RAB2A: variants seen among roughly 807,000 people sequenced by gnomAD.
RAB2A encodes ras-related protein Rab-2A.
In RAB2A, 7 loss-of-function variants were observed where a neutral mutation model predicts 32.5. That is an observed-to-expected ratio of 0.22 (90% CI 0.12 to 0.40). The LOEUF is 0.40. Ranked by LOEUF, RAB2A falls within the 10% of genes least tolerant of loss-of-function variation. The pLI, the probability that RAB2A is intolerant of heterozygous loss-of-function variation, is 1.00. For missense variants in RAB2A, 108 were observed against 260.7 expected, an observed-to-expected ratio of 0.41 and a Z score of 4.03; for synonymous variants, 79 against 85.2, an observed-to-expected ratio of 0.93 and a Z score of 0.40.
intron 6 of RAB2A, among the ~76,000 whole-genome samples, chr8:60,594,815 A>C (rs903510111): frequency 6.6e-6 from 1 of 152,160 alleles, no homozygotes; most frequent in Admixed American, 6.5e-5. Flanking sequence ...CATGAACTCA[A>C]CTTTTTTATG....
intron 6 of RAB2A, among the ~76,000 whole-genome samples, chr8:60,615,697 G>A (rs1804437683): frequency 6.6e-6 from 1 of 152,016 alleles, no homozygotes; most frequent in African/African-American, 2.4e-5. Flanking sequence ...CTAGTATTTG[G>A]TTAATGTTCA....
chr8:60,537,496 TA>T (rs1314197127), intron 1 of RAB2A, among the ~76,000 whole-genome samples: 1 of 152,166 alleles, frequency 6.6e-6, no homozygotes, highest in African/African-American at 2.4e-5. Context: ...GTGCAGGGAT[TA>T]CAGGCGTGAG....
chr8:60,551,449 T>G (rs1486930075), intron 1 of RAB2A, among the ~76,000 whole-genome samples: 1 of 152,226 alleles, frequency 6.6e-6, no homozygotes, highest in Admixed American at 6.5e-5. Flanking sequence ...TTTTTGAAAC[T>G]TTACTATGTG....
intron 6 of RAB2A, among the ~76,000 whole-genome samples, chr8:60,605,471 A>AC (rs1485704928): frequency 6.6e-6 from 1 of 152,074 alleles, no homozygotes; most frequent in Non-Finnish European, 1.5e-5. Flanking sequence ...TGGTAGATAC[A>AC]CCAACAGTTT....
At chr8:60,566,696 T>C (rs1808119264) in intron 2 of RAB2A, among the ~76,000 whole-genome samples, 1 of 152,192 alleles carries the variant, frequency 6.6e-6, no homozygotes, top group South Asian at 2.1e-4. Context: ...GCTTCTAGCA[T>C]ACCCGTTAAC....
At chr8:60,570,104 A>C (rs776654012) in intron 2 of RAB2A, 22 of 450,108 alleles carry the variant, frequency 4.9e-5, no homozygotes, top group African/African-American at 4.4e-4. Flanking sequence ...TCAATTCCAG[A>C]GAGGGAGCAT....
chr8:60,584,045 A>G, intron 3 of RAB2A, 163 bp from the exon 4 acceptor site: 1 of 582,356 alleles, frequency 1.7e-6, no homozygotes, highest in Non-Finnish European at 3.1e-6. Flanking sequence ...ATCTTGAGCA[A>G]TAGCGGTGTT....
intron 3 of RAB2A, among the ~76,000 whole-genome samples, chr8:60,573,864 C>T (rs1808230661): frequency 6.6e-6 from 1 of 152,232 alleles, no homozygotes; most frequent in South Asian, 2.1e-4. Flanking sequence ...CTCGCTGCAG[C>T]CTCGAGCTCC....
At position 60,607,851 on chromosome 8, in the gene RAB2A, C is replaced by T. The variant is rs1397514076; in HGVS notation, c.475-10729C>T. On this transcript the variant is annotated intron_variant, in intron 6 of 7. Coordinates refer to ENST00000262646, the MANE Select transcript of RAB2A (RefSeq NM_002865.3). ...CCTCAGAGATGTTATTGCTTCAAAC[C>T]ATCTCATTATATTCACCCTTTCCTT... is the stretch of plus-strand genomic sequence containing the variant. Among the ~76,000 whole-genome samples, 3 of 152,132 alleles carry T rather than the reference C, an allele frequency of 2.0e-5. No homozygotes were observed. The East Asian group carries it at 5.8e-4, about 29-fold the overall frequency.
intron 5 of RAB2A, among the ~76,000 whole-genome samples, chr8:60,587,317 A>C (rs1220425016): frequency 6.6e-6 from 1 of 152,218 alleles, no homozygotes; most frequent in Non-Finnish European, 1.5e-5. Context: ...ATATGTAAAA[A>C]TATGAACCTC....
chr8:60,524,726 C>T (rs1478001085), intron 1 of RAB2A, among the ~76,000 whole-genome samples: 1 of 152,150 alleles, frequency 6.6e-6, no homozygotes, highest in Non-Finnish European at 1.5e-5. Flanking sequence ...CCGGGGAGTC[C>T]CAGACATCAG....
chr8:60,613,284 C>T (rs1209630466), intron 6 of RAB2A, among the ~76,000 whole-genome samples: 1 of 152,100 alleles, frequency 6.6e-6, no homozygotes, highest in East Asian at 1.9e-4. Flanking sequence ...CCTGTTGTTC[C>T]CCATGTGTCT....
intron 6 of RAB2A, among the ~76,000 whole-genome samples, chr8:60,601,851 G>A (rs1586108930): frequency 6.6e-6 from 1 of 152,200 alleles, no homozygotes; most frequent in East Asian, 1.9e-4. Flanking sequence ...ATTTTGGTAG[G>A]CTCACAATGA....
intron 1 of RAB2A, among the ~76,000 whole-genome samples, chr8:60,535,978 GCAAATGTC>G (rs901007116): frequency 1.6e-4 from 25 of 152,164 alleles, no homozygotes. Context: ...GCCAGAAACA[GCAAATGTC>G]CACCTACTCC....
chr8:60,553,601 T>C (rs192545352), intron 1 of RAB2A, among the ~76,000 whole-genome samples: 4 of 152,366 alleles, frequency 2.6e-5, no homozygotes, highest in African/African-American at 9.6e-5. Flanking sequence ...TGTATCTATA[T>C]ATTTAATTTG....
Position 60,517,225 on chromosome 8 carries a change from C to A in RAB2A, c.18C>A (p.Leu6=). ...CCGCGGCCATGGCGTACGCCTATCT[C>A]TTCAAGTACATCATAATCGGCGACA... MAYAY[L]FKYIIIGDTG... is the part of the protein sequence containing the mutation. Residue 6 remains leucine (L), a synonymous_variant, in exon 1 of 8, where the codon CTC becomes CTA. Coordinates refer to ENST00000262646, the MANE Select transcript of RAB2A (RefSeq NM_002865.3). The A allele has an allele frequency of 6.7e-7, 1 of 1,491,670 alleles. No homozygotes were observed. Among genetic ancestry groups the A allele is most frequent in the Non-Finnish European group, 8.9e-7 (1 of 1,119,680 alleles). 92.4% of individuals were successfully genotyped at this position (1,491,670 alleles called of 1,614,324 possible).
chr8:60,590,714 A>T (rs1803929022), intron 5 of RAB2A, among the ~76,000 whole-genome samples: 1 of 151,610 alleles, frequency 6.6e-6, no homozygotes, highest in South Asian at 2.1e-4. Context: ...ACTGTAATTC[A>T]CCAGTTTAAA....
At chr8:60,517,356 G>T in intron 1 of RAB2A, 103 bp downstream of exon 1, 1 of 1,108,028 alleles carries the variant, frequency 9.0e-7, no homozygotes, top group Non-Finnish European at 1.2e-6. Flanking sequence ...TCCACCCGGC[G>T]CCTCCCTCCT....
intron 1 of RAB2A, among the ~76,000 whole-genome samples, chr8:60,522,290 A>G (rs1807313770): frequency 6.6e-6 from 1 of 152,222 alleles, no homozygotes; most frequent in Non-Finnish European, 1.5e-5. Context: ...GCTTTGACAC[A>G]GTGTTTGATT....
Sources: gnomAD v4.1 joint callset for allele counts (sites outside exome capture counted in the v4.1 genomes callset) on GRCh38, gnomAD v4.1.1 for gene constraint, MANE v1.5 for transcripts, NCBI Gene and HGNC (gene_info 2026-07-23, HGNC 2026-07-21) for gene names.